Variants in SPHKAP observed in about 807,000 individuals in gnomAD.
SPHKAP encodes the protein A-kinase anchor protein SPHKAP.
Under a neutral mutation model 137.5 loss-of-function variants are expected in SPHKAP, and 67 were observed. That is an observed-to-expected ratio of 0.49 (90% CI 0.40 to 0.60). The LOEUF (loss-of-function observed/expected upper bound fraction) is 0.60. Ranked by LOEUF, SPHKAP falls within the 20% of genes least tolerant of loss-of-function variation. The pLI is 0.00. For missense variants in SPHKAP, 2,097 were observed against 2,069.3 expected (o/e 1.01, Z -0.26); for synonymous variants, 813 against 785.3 (o/e 1.04, Z -0.59).
intron 4 of SPHKAP, 28 bp from the exon 5 acceptor site, chr2:228,025,556 A>T: frequency 4.3e-6 from 7 of 1,609,230 alleles, no homozygotes; most frequent in Non-Finnish European, 5.9e-6. Context: ...TTATTAGTTT[A>T]GCTGATTTCT....
chr2:228,163,717 CCTT>C (rs1700340945), intron 1 of SPHKAP, among the ~76,000 whole-genome samples: 1 of 152,086 alleles, frequency 6.6e-6, no homozygotes, highest in African/African-American at 2.4e-5. Context: ...GTCTGGGTTG[CCTT>C]CTTATTTGCA....
chr2:228,104,286 T>TTATATATTATATATC (rs1455663012), intron 3 of SPHKAP, among the ~76,000 whole-genome samples: 2 of 80,796 alleles, frequency 2.5e-5, no homozygotes, highest in East Asian at 4.2e-4. Context: ...TATATATCAT[T>TTATATATTATATATC]ATATCATATA....
chr2:228,142,533 A>T (rs566785971), intron 1 of SPHKAP, among the ~76,000 whole-genome samples: 12 of 152,224 alleles, frequency 7.9e-5, no homozygotes, highest in East Asian at 3.9e-4. Flanking sequence ...AAAGAATAAG[A>T]TCATGTTTTT....
rs533003685 is a variant in SPHKAP, at chr2:228,115,023, G to A, written c.139-6084C>T. Among the ~76,000 whole-genome samples, 128 of 152,248 alleles carry A rather than the reference G, an allele frequency of 8.4e-4. 1 individual carries two copies. Among genetic ancestry groups the A allele is most frequent in the African/African-American group, 2.9e-3 (121 of 41,572 alleles). On this transcript the variant is annotated intron_variant, in intron 2 of 11. Coordinates refer to ENST00000392056, the MANE Select transcript of SPHKAP (RefSeq NM_001142644.2). ...AAAGGGCTTGGCCCTTGACTAGAGC[G>A]TTGAAAGGTGGATTTGTGTTGTCTG...
chr2:228,096,630 C>CTCTG (rs1426210614), intron 3 of SPHKAP, among the ~76,000 whole-genome samples: 1 of 148,788 alleles, frequency 6.7e-6, no homozygotes, highest in Non-Finnish European at 1.5e-5. Context: ...CAGGGGTCAA[C>CTCTG]TGTGTGTGTG....
chr2:228,011,991 T>A (rs1694390579), intron 7 of SPHKAP, among the ~76,000 whole-genome samples: 1 of 151,386 alleles, frequency 6.6e-6, no homozygotes, highest in South Asian at 2.1e-4. Flanking sequence ...CAGAATGACA[T>A]CTCCATCTCC....
At chr2:228,110,783 G>A (rs1378607376) in intron 2 of SPHKAP, among the ~76,000 whole-genome samples, 1 of 152,176 alleles carries the variant, frequency 6.6e-6, no homozygotes, top group African/African-American at 2.4e-5. Context: ...TTGCAAACAT[G>A]TGAATTGAAA....
chr2:228,145,922 T>C (rs1442432958), intron 1 of SPHKAP, among the ~76,000 whole-genome samples: 2 of 152,178 alleles, frequency 1.3e-5, no homozygotes, highest in Admixed American at 6.6e-5. Flanking sequence ...AAAGTGTGGC[T>C]TGTGGGCCTA....
In SPHKAP at chr2:228,016,852, C is replaced by A; in HGVS notation, c.4002G>T (p.Glu1334Asp). 1 of 1,614,074 alleles carries A rather than the reference C, an allele frequency of 6.2e-7. No individual in the cohort carries two copies. The highest frequency in any genetic ancestry group is 8.5e-7 in the Non-Finnish European group (1 of 1,180,000). The part of the protein sequence containing the change: ...IVDDAEEADT[E>D]PVSGGSPSQA... ...GCGAGGGAGAGCCACCAGAAACAGG[C>A]TCAGTGTCAGCTTCCTCTGCATCAT... The change falls in exon 7 of 12, where the codon GAG becomes GAT. Residue 1334 changes from glutamate (E) to aspartate (D), a missense_variant. Coordinates refer to ENST00000392056, the MANE Select transcript of SPHKAP (RefSeq NM_001142644.2).
intron 2 of SPHKAP, chr2:228,131,223 A>G (rs945654556): frequency 1.2e-6 from 1 of 865,600 alleles, no homozygotes; most frequent in Admixed American, 6.2e-5. Flanking sequence ...ATTTACATCT[A>G]TAAGAATTTT....
chr2:228,151,335 G>A (rs1439211819), intron 1 of SPHKAP, among the ~76,000 whole-genome samples: 3 of 151,322 alleles, frequency 2.0e-5, no homozygotes, highest in African/African-American at 2.4e-5. Context: ...GTCTATCATT[G>A]TTGGACATTT....
At chr2:228,055,018 T>C in intron 3 of SPHKAP, among the ~76,000 whole-genome samples, 1 of 151,652 alleles carries the variant, frequency 6.6e-6, no homozygotes, top group Non-Finnish European at 1.5e-5. Context: ...GTTGCATGCC[T>C]GTAATCCCAG....
At chr2:228,134,934 T>A (rs895431333) in intron 1 of SPHKAP, among the ~76,000 whole-genome samples, 1 of 152,090 alleles carries the variant, frequency 6.6e-6, no homozygotes, top group Non-Finnish European at 1.5e-5. Context: ...GAAGAAAGGC[T>A]GACACAGACC....
intron 1 of SPHKAP, among the ~76,000 whole-genome samples, chr2:228,171,957 T>C (rs1015968786): frequency 7.2e-5 from 11 of 152,160 alleles, no homozygotes; most frequent in Admixed American, 2.0e-4. Context: ...TGTCATTGTT[T>C]ATCTTGAAAA....
At chr2:227,992,124 A>G (rs1693435040) in intron 9 of SPHKAP, among the ~76,000 whole-genome samples, 1 of 152,148 alleles carries the variant, frequency 6.6e-6, no homozygotes, top group South Asian at 2.1e-4. Flanking sequence ...TATCCTGGGA[A>G]GCCTGTGGTT....
chr2:228,155,554 G>A (rs1368284859), intron 1 of SPHKAP, among the ~76,000 whole-genome samples: 1 of 152,128 alleles, frequency 6.6e-6, no homozygotes, highest in African/African-American at 2.4e-5. Context: ...CTTTTCTGGA[G>A]GAAGCAGAGC....
chr2:228,115,285 C>T (rs1698672289), intron 2 of SPHKAP, among the ~76,000 whole-genome samples: 1 of 152,088 alleles, frequency 6.6e-6, no homozygotes, highest in South Asian at 2.1e-4. Flanking sequence ...TTTCGCACTC[C>T]TGTTAGTTAT....
At chr2:228,160,475 T>C (rs1031867711) in intron 1 of SPHKAP, among the ~76,000 whole-genome samples, 15 of 152,180 alleles carry the variant, frequency 9.9e-5, no homozygotes, top group Admixed American at 8.5e-4. Flanking sequence ...CTTCACATGA[T>C]GGCAGGATGG....
At chr2:228,160,778 T>C (rs1315058084) in intron 1 of SPHKAP, among the ~76,000 whole-genome samples, 1 of 152,242 alleles carries the variant, frequency 6.6e-6, no homozygotes, top group Non-Finnish European at 1.5e-5. Flanking sequence ...TGTGAGTTAA[T>C]AAATACTTAT....
Sources: allele counts gnomAD v4.1 joint callset (sites outside exome capture counted in the v4.1 genomes callset), GRCh38; gene constraint gnomAD v4.1.1; transcripts MANE v1.5; gene names NCBI Gene and HGNC (gene_info 2026-07-23, HGNC 2026-07-21).